The following DNM3 variants were observed in gnomAD, a reference collection of about 807,000 sequenced individuals.
DNM3 encodes dynamin 3, also known as dynamin-3.
Under a neutral mutation model 101.6 loss-of-function variants are expected in DNM3, and 47 were observed. That is an observed-to-expected ratio of 0.46 (90% CI 0.37 to 0.59). The LOEUF is 0.59. Among genes scored for constraint, DNM3 ranks in the 20% least tolerant of loss-of-function variants. The pLI is 0.00. For missense variants in DNM3, 849 were observed against 1,085.7 expected (o/e 0.78, Z 3.06); for synonymous variants, 385 against 387.9 (o/e 0.99, Z 0.09).
intron 1 of DNM3, among the ~76,000 whole-genome samples, chr1:171,871,875 T>TTTTTTTTTA (rs2035322839): frequency 6.6e-6 from 1 of 151,652 alleles, no homozygotes. Flanking sequence ...TTTTTTTTTT[T>TTTTTTTTTA]TTGCTAAATA....
intron 20 of DNM3, chr1:172,393,761 T>C (rs774552914): frequency 1.3e-5 from 2 of 152,668 alleles, no homozygotes; most frequent in Non-Finnish European, 2.9e-5. Context: ...TGATTTTTCA[T>C]GGAACAGTTT....
At chr1:172,391,019 C>T (rs1252392737) in intron 20 of DNM3, among the ~76,000 whole-genome samples, 1 of 152,096 alleles carries the variant, frequency 6.6e-6, no homozygotes, top group African/African-American at 2.4e-5. Flanking sequence ...GGTGGAGTTG[C>T]CGTTAGTATT....
intron 4 of DNM3, among the ~76,000 whole-genome samples, chr1:172,001,809 T>C (rs2046373842): frequency 6.6e-6 from 1 of 152,000 alleles, no homozygotes; most frequent in South Asian, 2.1e-4. Flanking sequence ...TGTCCCTACA[T>C]ACCTCCTTCA....
intron 13 of DNM3, among the ~76,000 whole-genome samples, chr1:172,120,651 C>G (rs1412787992): frequency 6.6e-6 from 1 of 152,184 alleles, no homozygotes; most frequent in Non-Finnish European, 1.5e-5. Flanking sequence ...CCCACACATC[C>G]TTTAGATTTC....
intron 15 of DNM3, among the ~76,000 whole-genome samples, chr1:172,261,211 T>C (rs1034725127): frequency 6.6e-6 from 1 of 151,462 alleles, no homozygotes; most frequent in Non-Finnish European, 1.5e-5. Context: ...TGTTCTTATG[T>C]TGATATCTAC....
rs986389608 is a variant in DNM3, at chr1:172,223,393, T to TA, written c.1660-30172dup. Among the ~76,000 whole-genome samples, 67 of 151,778 alleles carry TA rather than the reference T, an allele frequency of 4.4e-4. 1 individual carries two copies. Among genetic ancestry groups the TA allele is most frequent in the African/African-American group, 1.3e-3 (54 of 41,450 alleles). On this transcript the variant is annotated intron_variant, in intron 14 of 20. Coordinates refer to ENST00000627582, the MANE Select transcript of DNM3 (RefSeq NM_015569.5). The stretch of plus-strand genomic sequence containing the variant: ...GCACCATTGTATATCCATTCTGTCA[T>TA]AAAAAAAATCCCATATATCACTATA...
At chr1:171,913,618 A>T (rs1357370621) in intron 1 of DNM3, among the ~76,000 whole-genome samples, 2 of 152,132 alleles carry the variant, frequency 1.3e-5, no homozygotes, top group Non-Finnish European at 2.9e-5. Flanking sequence ...GTGGAACTGG[A>T]TTCTTGACCT....
chr1:172,310,510 AG>A (rs1284248660), intron 16 of DNM3: 2 of 152,238 alleles, frequency 1.3e-5, no homozygotes, highest in African/African-American at 4.8e-5. Context: ...AGTGAGAGTA[AG>A]GGGCAGGCAA....
At chr1:172,232,971 T>C (rs529576497) in intron 14 of DNM3, among the ~76,000 whole-genome samples, 2 of 151,906 alleles carry the variant, frequency 1.3e-5, no homozygotes, top group Non-Finnish European at 2.9e-5. Context: ...ACATCACAAT[T>C]AAAAGAACTA....
chr1:172,150,483 A>G (rs190805018), intron 14 of DNM3, among the ~76,000 whole-genome samples: 1 of 152,266 alleles, frequency 6.6e-6, no homozygotes, highest in East Asian at 1.9e-4. Context: ...TGTTTTCTGA[A>G]TTTAGAGGTT....
intron 17 of DNM3, among the ~76,000 whole-genome samples, chr1:172,335,232 T>C (rs1217309253): frequency 2.0e-5 from 3 of 152,190 alleles, no homozygotes; most frequent in Non-Finnish European, 4.4e-5. Flanking sequence ...AAGATTCAGC[T>C]ATCCACATCA....
intron 2 of DNM3, among the ~76,000 whole-genome samples, chr1:171,983,577 A>G (rs1226219878): frequency 6.6e-6 from 1 of 152,054 alleles, no homozygotes; most frequent in African/African-American, 2.4e-5. Flanking sequence ...TAAACTTTGG[A>G]AAACCCAGGG....
intron 13 of DNM3, among the ~76,000 whole-genome samples, chr1:172,099,166 G>A (rs2054460509): frequency 6.6e-6 from 1 of 152,224 alleles, no homozygotes; most frequent in South Asian, 2.1e-4. Flanking sequence ...TCTCACATGA[G>A]TAGCTTTAAT....
chr1:171,931,536 A>T (rs1313625176), intron 2 of DNM3, among the ~76,000 whole-genome samples: 3 of 152,180 alleles, frequency 2.0e-5, no homozygotes, highest in Non-Finnish European at 2.9e-5. Context: ...TTAGATTTTT[A>T]AAAAGTAAAT....
chr1:172,413,016 G>A (rs2071298180), downstream of DNM3, among the ~76,000 whole-genome samples: 1 of 152,170 alleles, frequency 6.6e-6, no homozygotes, highest in Non-Finnish European at 1.5e-5. Context: ...CAGTTACCAA[G>A]AAGCACCATG....
At chr1:171,913,543 G>T (rs1191835284) in intron 1 of DNM3, among the ~76,000 whole-genome samples, 1 of 152,108 alleles carries the variant, frequency 6.6e-6, no homozygotes, top group Non-Finnish European at 1.5e-5. Flanking sequence ...GTAATGGTTG[G>T]CAAAGTTCCC....
At chr1:172,107,082 G>A (rs975693799) in intron 13 of DNM3, among the ~76,000 whole-genome samples, 8 of 149,510 alleles carry the variant, frequency 5.4e-5, no homozygotes, top group Non-Finnish European at 5.9e-5. Flanking sequence ...GGATGGTCTC[G>A]ATCTCCTGAC....
intron 17 of DNM3, among the ~76,000 whole-genome samples, chr1:172,368,404 C>T (rs903356533): frequency 6.6e-5 from 10 of 151,662 alleles, no homozygotes; most frequent in Non-Finnish European, 1.3e-4. Context: ...TTAAGAAGTA[C>T]ATTAAAAAAT....
chr1:172,100,531 C>A (rs548068512), intron 13 of DNM3, among the ~76,000 whole-genome samples: 11 of 152,184 alleles, frequency 7.2e-5, no homozygotes, highest in Admixed American at 2.6e-4. Context: ...TAAGAGAGAT[C>A]CTTCCAGTCC....
Sources: allele counts gnomAD v4.1 joint callset (sites outside exome capture counted in the v4.1 genomes callset), GRCh38; gene constraint gnomAD v4.1.1; transcripts MANE v1.5; gene names NCBI Gene and HGNC (gene_info 2026-07-23, HGNC 2026-07-21).